ERCC1: variants seen among roughly 807,000 people sequenced by gnomAD.
ERCC1 encodes ERCC excision repair 1, endonuclease non-catalytic subunit, also known as DNA excision repair protein ERCC-1.
Under a neutral mutation model 37.6 loss-of-function variants are expected in ERCC1, and 36 were observed. The observed-to-expected ratio is 0.96, with a 90% CI of 0.73 to 1.26. The LOEUF is 1.26. ERCC1 is among the 50% of genes most tolerant of loss of function. The pLI is 0.00. For missense variants in ERCC1, 349 were observed against 376.5 expected, an observed-to-expected ratio of 0.93 and a Z score of 0.60; for synonymous variants, 156 against 162.1, an observed-to-expected ratio of 0.96 and a Z score of 0.28.
At chr19:45,415,279 G>A (rs1414170080) in intron 6 of ERCC1, among the ~76,000 whole-genome samples, 2 of 145,446 alleles carry the variant, frequency 1.4e-5, no homozygotes, top group South Asian at 2.2e-4. Flanking sequence ...AGGTTGCAGT[G>A]AGCCAAGATC....
upstream of ERCC1, among the ~76,000 whole-genome samples, chr19:45,427,835 G>A (rs1216913690): frequency 6.6e-6 from 1 of 152,126 alleles, no homozygotes; most frequent in Non-Finnish European, 1.5e-5. Context: ...TCTCTGCTCC[G>A]CCAGAACCCA....
chr19:45,425,700 G>T (rs1349705964), upstream of ERCC1, among the ~76,000 whole-genome samples: 2 of 152,136 alleles, frequency 1.3e-5, no homozygotes, highest in African/African-American at 4.8e-5. Flanking sequence ...CACCGAGGTC[G>T]TTGTTTATGA....
chr19:45,443,016 C>CG (rs1427058047), intron 1 of ERCC1, among the ~76,000 whole-genome samples: 3 of 151,704 alleles, frequency 2.0e-5, no homozygotes, highest in Non-Finnish European at 2.9e-5. Context: ...TCATGCCCCG[C>CG]GGGGGGGATG....
chr19:45,418,538 A>C (rs1974200581), intron 5 of ERCC1, among the ~76,000 whole-genome samples: 1 of 151,284 alleles, frequency 6.6e-6, no homozygotes, highest in Non-Finnish European at 1.5e-5. Context: ...AAAGAGAGAG[A>C]TATGGCCAGG....
chr19:45,447,046 G>A (rs1318009397), intron 1 of ERCC1, among the ~76,000 whole-genome samples: 3 of 152,032 alleles, frequency 2.0e-5, no homozygotes, highest in Non-Finnish European at 2.9e-5. Flanking sequence ...GAGAATGCTG[G>A]CCCAGGACAC....
At chr19:45,424,564 C>T (rs570831410), upstream of ERCC1, among the ~76,000 whole-genome samples, 1 of 152,312 alleles carries the variant, frequency 6.6e-6, no homozygotes, top group East Asian at 1.9e-4. Context: ...TAACTTGCAG[C>T]TCTCTGATTA....
chr19:45,440,194 A>C (rs1599862497), intron 1 of ERCC1, among the ~76,000 whole-genome samples: 5 of 96,250 alleles, frequency 5.2e-5, no homozygotes, highest in African/African-American at 1.6e-4. Context: ...CCTGTCCCCC[A>C]TCCTCAGCTT....
intron 1 of ERCC1, among the ~76,000 whole-genome samples, chr19:45,445,082 T>C (rs927745827): frequency 4.6e-5 from 7 of 152,200 alleles, no homozygotes; most frequent in Admixed American, 2.0e-4. Context: ...AATGGTACCA[T>C]CTGGGCTCAC....
At chr19:45,413,566 G>A in intron 9 of ERCC1, 111 bp downstream of exon 9, 2 of 1,613,844 alleles carry the variant, frequency 1.2e-6, no homozygotes, top group Non-Finnish European at 1.7e-6. Flanking sequence ...GGAAGCCACT[G>A]TGTCTGGTCT....
rs3212937 is a variant in ERCC1, at chr19:45,423,161, C to T, written c.105+109G>A. ...CCAAGGACTGTTTCCCCAAGTCGTC[C>T]GTGGCCCCCAAATCCACTAACCCAC... On this transcript the variant is annotated intron_variant, in intron 2 of 9. Transcript: ENST00000300853. The T allele has an allele frequency of 5.2e-4, 558 of 1,080,202 alleles. 4 individuals are homozygous for T. The African/African-American group carries it at 8.0e-3, about 15-fold the overall frequency. 66.9% of individuals were successfully genotyped at this position (1,080,202 alleles called of 1,614,324 possible).
Position 45,445,728 on chromosome 19 carries a change from C to T in ERCC1, c.-7-22347G>A, listed in dbSNP as rs971800811. ...AGCTAGTGTGGGTGGACAGAGAGAA[C>T]GTGGGGAGGGCACTGGAGCAGAAGA... On this transcript the variant is annotated intron_variant, in intron 1 of 8. Transcript: ENST00000423698. Among the ~76,000 whole-genome samples the T allele has an allele frequency of 6.6e-5, 10 of 152,122 alleles. No individual in the cohort carries two copies. The East Asian group carries it at 7.7e-4, about 12-fold the overall frequency.
chr19:45,419,373 G>T, intron 4 of ERCC1, 176 bp from the exon 5 acceptor site: 1 of 609,314 alleles, frequency 1.6e-6, no homozygotes, highest in Non-Finnish European at 3.0e-6. Flanking sequence ...AAGATGCTCC[G>T]CAGGGATTGG....
chr19:45,413,261 C>T (rs1181504946), intron 9 of ERCC1, among the ~76,000 whole-genome samples: 1 of 152,104 alleles, frequency 6.6e-6, no homozygotes, highest in East Asian at 1.9e-4. Context: ...TAGTTTCATT[C>T]TTCCTCATTG....
At chr19:45,440,876 G>A (rs1449353780) in intron 1 of ERCC1, among the ~76,000 whole-genome samples, 1 of 152,196 alleles carries the variant, frequency 6.6e-6, no homozygotes, top group South Asian at 2.1e-4. Flanking sequence ...TGGGACTACA[G>A]GTGTGCACCA....
In ERCC1 at chr19:45,434,157, A is replaced by ACACAC. The variant is rs1568597008; in HGVS notation, c.-7-10777_-7-10776insGTGTG. ...AATGTCTCACACACACACACACACA[A>ACACAC]AAAAAAAAAAAAAAAAAAAGAGGAA... is the stretch of plus-strand genomic sequence containing the variant. On this transcript the variant is annotated intron_variant, in intron 1 of 8. Coordinates refer to the ERCC1 transcript ENST00000423698. Among the ~76,000 whole-genome samples the ACACAC allele has an allele frequency of 1.2e-3, 132 of 109,154 alleles. 1 individual carries two copies. In the East Asian group the frequency reaches 0.015, roughly 13 times the overall value. The allele number at this position is 109,154 out of a possible 152,430, so 71.6% of individuals were successfully genotyped here.
At chr19:45,437,623 A>G (rs1159417021) in intron 1 of ERCC1, among the ~76,000 whole-genome samples, 1 of 152,206 alleles carries the variant, frequency 6.6e-6, no homozygotes, top group African/African-American at 2.4e-5. Flanking sequence ...ACACCACATG[A>G]TCCCACTTTT....
At chr19:45,432,542 T>C (rs1974861419) in intron 1 of ERCC1, among the ~76,000 whole-genome samples, 1 of 152,114 alleles carries the variant, frequency 6.6e-6, no homozygotes, top group Non-Finnish European at 1.5e-5. Context: ...TTTGGGGTCC[T>C]CAATACATTT....
At chr19:45,412,585 GATT>G (rs1568575855) in intron 9 of ERCC1, among the ~76,000 whole-genome samples, 2 of 152,130 alleles carry the variant, frequency 1.3e-5, no homozygotes, top group East Asian at 1.9e-4. Flanking sequence ...TTTTTGATTG[GATT>G]ATTATATTTT....
Position 45,413,724 on chromosome 19 carries a change from C to G in ERCC1, c.796G>C (p.Ala266Pro), listed in dbSNP as rs3212977. 5 of 1,613,594 alleles carry G rather than the reference C, an allele frequency of 3.1e-6. 1 individual carries two copies. In the East Asian group the frequency reaches 6.7e-5, roughly 22 times the overall value. ...TFGSLEQLIA[A>P]SREDLALCPG... ...CATAAGGCCAGATCTTCTCTTGATGCGGCGATGAGCTGTTCCAGAGACTGA... is the reference window on the plus strand; with the variant it reads ...CATAAGGCCAGATCTTCTCTTGATGGGGCGATGAGCTGTTCCAGAGACTGA... The change falls in exon 9 of 10, where the codon GCA (alanine) becomes CCA (proline). Residue 266 changes from alanine to proline, a missense_variant. Transcript: ENST00000300853.
Sources: allele counts gnomAD v4.1 joint callset (sites outside exome capture counted in the v4.1 genomes callset), GRCh38; gene constraint gnomAD v4.1.1; transcripts MANE v1.5; gene names NCBI Gene and HGNC (gene_info 2026-07-23, HGNC 2026-07-21).